HNF1A: variants seen among roughly 807,000 people sequenced by gnomAD.
HNF1A encodes the protein hepatocyte nuclear factor 1-alpha.
In HNF1A, 21 loss-of-function variants were observed where a neutral mutation model predicts 62.2. The ratio of observed to expected loss-of-function variants is 0.34; its 90% CI spans 0.24 to 0.49. The LOEUF (loss-of-function observed/expected upper bound fraction) is 0.49, where lower values mean the gene tolerates loss of function less well. HNF1A is among the 20% of genes least tolerant of loss of function. The pLI, the probability that HNF1A is intolerant of heterozygous loss-of-function variation, is 0.99. For synonymous variants in HNF1A, 374 were observed against 366.8 expected, an observed-to-expected ratio of 1.02 and a Z score of -0.22; for missense variants, 687 against 832.3, an observed-to-expected ratio of 0.83 and a Z score of 2.15.
chr12:120,981,174 C>A (rs569255607), intron 1 of HNF1A, among the ~76,000 whole-genome samples: 1 of 149,418 alleles, frequency 6.7e-6, no homozygotes, highest in Non-Finnish European at 1.5e-5. Flanking sequence ...GGGCGGGGGA[C>A]CCCTATTGAA....
At chr12:120,990,143 TA>T (rs1417371325) in intron 2 of HNF1A, among the ~76,000 whole-genome samples, 2 of 152,120 alleles carry the variant, frequency 1.3e-5, no homozygotes, top group South Asian at 2.1e-4. Context: ...TTTTTTTTAT[TA>T]TTTTTTTATT....
chr12:120,990,635 TAGGAAAGGG>T (rs1242091332), intron 2 of HNF1A, among the ~76,000 whole-genome samples: 4 of 92,130 alleles, frequency 4.3e-5, no homozygotes, highest in Admixed American at 1.6e-4. Context: ...GGAGGAAAGA[TAGGAAAGGG>T]AGGAAAGGTA....
At chr12:120,995,103 CTCCATCCAT>C (rs1235470314) in intron 4 of HNF1A, among the ~76,000 whole-genome samples, 1 of 151,610 alleles carries the variant, frequency 6.6e-6, no homozygotes, top group East Asian at 1.9e-4. Context: ...ATTCATTCCA[CTCCATCCAT>C]TCCATCCAAC....
At chr12:120,998,646 C>T (rs1352382731) in intron 7 of HNF1A, among the ~76,000 whole-genome samples, 1 of 151,926 alleles carries the variant, frequency 6.6e-6, no homozygotes, top group African/African-American at 2.4e-5. Context: ...GGTTTATGTG[C>T]GTTTTCCTAG....
At chr12:120,982,528 T>C (rs139162195) in intron 1 of HNF1A, among the ~76,000 whole-genome samples, 9 of 152,292 alleles carry the variant, frequency 5.9e-5, no homozygotes, top group Non-Finnish European at 1.0e-4. Context: ...ATCCTAGCTC[T>C]GCCCCTTTCT....
intron 2 of HNF1A, 151 bp downstream of exon 2, chr12:120,989,183 T>C: frequency 1.3e-6 from 1 of 782,602 alleles, no homozygotes; most frequent in East Asian, 2.7e-5. Flanking sequence ...TTATTACCTA[T>C]TCTGCGCCAG....
At chr12:120,985,774 C>T (rs748715597) in intron 1 of HNF1A, among the ~76,000 whole-genome samples, 4 of 151,912 alleles carry the variant, frequency 2.6e-5, no homozygotes, top group Non-Finnish European at 5.9e-5. Context: ...CACCTGAAGT[C>T]GGGAGTTTGA....
intron 7 of HNF1A, chr12:120,998,092 C>T (rs747565151): frequency 3.4e-5 from 13 of 381,340 alleles, no homozygotes; most frequent in Non-Finnish European, 6.4e-5. Context: ...CCAGCCTGGC[C>T]AACACGGTGA....
intron 2 of HNF1A, among the ~76,000 whole-genome samples, chr12:120,992,885 C>T (rs1876902246): frequency 6.6e-6 from 1 of 152,162 alleles, no homozygotes; most frequent in African/African-American, 2.4e-5. Context: ...CTGCTGCGCC[C>T]CTGATTCAGA....
chr12:120,993,105 G>A (rs1190475169), intron 2 of HNF1A, among the ~76,000 whole-genome samples: 1 of 152,224 alleles, frequency 6.6e-6, no homozygotes, highest in South Asian at 2.1e-4. Flanking sequence ...TGAATACACT[G>A]AGGACATATG....
intron 1 of HNF1A, among the ~76,000 whole-genome samples, chr12:120,987,971 C>T (rs2135830881): frequency 6.6e-6 from 1 of 152,224 alleles, no homozygotes; most frequent in South Asian, 2.1e-4. Context: ...TTTCCTTTTT[C>T]CAGCAGGTCT....
Position 120,991,984 on chromosome 12 carries a change from T to C in HNF1A, c.527-1536T>C, listed in dbSNP as rs116549171. On this transcript the variant is annotated intron_variant, in intron 2 of 9. Transcript: ENST00000257555. ...ATAGAGATGCAAACTGTGGCCCAAA[T>C]AGCTTTCCCTGGGGGATTTTTAACT... Among the ~76,000 whole-genome samples the C allele has an allele frequency of 3.4e-3, 512 of 152,234 alleles. 6 individuals are homozygous for C. Among genetic ancestry groups the C allele is most frequent in the African/African-American group, 0.012 (485 of 41,548 alleles).
At position 120,996,763 on chromosome 12, in the gene HNF1A, G is replaced by C; in HGVS notation, c.1309+21G>C. 1 of 1,612,858 alleles carries C rather than the reference G, an allele frequency of 6.2e-7. No homozygotes were observed. Among genetic ancestry groups the C allele is most frequent in the South Asian group, 1.1e-5 (1 of 90,750 alleles). ...CATCGGTAAGCTGGTGGGGATGGGT[G>C]GGCACCTGGGTGGGAGGCTCATGGG... On this transcript the variant is annotated intron_variant, in intron 6 of 9. Coordinates refer to ENST00000257555, the MANE Select transcript of HNF1A (RefSeq NM_000545.8). This position sits in a 1 kb window ranked among gnomAD's most constrained non-coding sequence, Gnocchi z 4.5.
chr12:121,000,606 C>A (rs762649423), intron 9 of HNF1A: 5 of 237,330 alleles, frequency 2.1e-5, no homozygotes, highest in Non-Finnish European at 2.5e-5. Flanking sequence ...AGCCTTGAGG[C>A]AGAATTCCTT....
chr12:120,999,347 C>G lies in HNF1A; in HGVS notation c.1581C>G (p.Thr527=), dbSNP rs906806609. ...LLPQTMLITD[T]TNLSALASLT... ...CGCAGACTATGCTCATCACCGACAC[C>G]ACCAACCTGAGCGCCCTGGCCAGCC... Residue 527 remains threonine, a synonymous_variant, in exon 8 of 10, where the codon ACC becomes ACG. Transcript: ENST00000257555. 1.2e-6 allele frequency: 2 copies of G among 1,614,050 alleles called. No individual in the cohort carries two copies. The highest frequency in any genetic ancestry group is 2.2e-5 in the South Asian group (2 of 91,088).
Position 120,996,885 on chromosome 12 carries a change from G to A in HNF1A, c.1309+143G>A, listed in dbSNP as rs1352802756. The A allele has an allele frequency of 4.6e-6, 7 of 1,533,550 alleles. No homozygotes were observed. The highest frequency in any genetic ancestry group is 6.2e-6 in the Non-Finnish European group (7 of 1,132,484). The allele number at this position is 1,533,550 out of a possible 1,614,324, so 95.0% of individuals were successfully genotyped here. ...CAGTGCCTACTCTGGACCAGTCACT[G>A]TGCTACATCAGTGATACCTGGGTGA... On this transcript the variant is annotated intron_variant, in intron 6 of 9. Coordinates refer to ENST00000257555, the MANE Select transcript of HNF1A (RefSeq NM_000545.8). The surrounding 1 kb of genome is among the most constrained non-coding windows in gnomAD (Gnocchi z 4.5).
intron 1 of HNF1A, among the ~76,000 whole-genome samples, chr12:120,988,438 ATCCATCCATCCG>A (rs1490627870): frequency 6.6e-6 from 1 of 151,474 alleles, no homozygotes; most frequent in East Asian, 1.9e-4. Flanking sequence ...CCACCCACCC[ATCCATCCATCCG>A]TCCATCCACC....
At position 120,994,278 on chromosome 12, in the gene HNF1A, C is replaced by T. The variant is rs775579603; in HGVS notation, c.828C>T (p.Ala276=). 3 of 1,613,320 alleles carry T rather than the reference C, an allele frequency of 1.9e-6. No homozygotes were observed. Among genetic ancestry groups the T allele is most frequent in the African/African-American group, 1.3e-5 (1 of 74,910 alleles). The change falls in exon 4 of 10, where the codon GCC becomes GCT. Residue 276 remains alanine (A), a synonymous_variant. Coordinates refer to ENST00000257555, the MANE Select transcript of HNF1A (RefSeq NM_000545.8). ...TTGCCAACCGGCGCAAAGAAGAAGC[C>T]TTCCGGCACAAGCTGGCCATGGACA... ...NWFANRRKEE[A]FRHKLAMDTY... is the part of the protein sequence containing the mutation.
At chr12:121,000,484 G>A (rs1027441123) in intron 9 of HNF1A, 1 of 173,032 alleles carries the variant, frequency 5.8e-6, no homozygotes, top group Non-Finnish European at 1.2e-5. Flanking sequence ...CATCAGTCAG[G>A]GTTCTCCAGG....
Sources: gnomAD v4.1 joint callset for allele counts (sites outside exome capture counted in the v4.1 genomes callset) on GRCh38, gnomAD v4.1.1 for gene constraint, Gnocchi (gnomAD v3.1) non-coding constraint, MANE v1.5 for transcripts, NCBI Gene and HGNC (gene_info 2026-07-23, HGNC 2026-07-21) for gene names.